The following THBS4 variants were observed in gnomAD, a reference collection of about 807,000 sequenced individuals.
THBS4 encodes the protein thrombospondin 4.
In THBS4, 90 loss-of-function variants were observed where a neutral mutation model predicts 115.7. The observed-to-expected ratio is 0.78, with a 90% CI of 0.66 to 0.93. The LOEUF is 0.93. Among genes scored for constraint, THBS4 ranks in the 40% least tolerant of loss-of-function variants. The pLI is 0.00. For synonymous variants in THBS4, 460 were observed against 479.3 expected (o/e 0.96, Z 0.53); for missense variants, 1,087 against 1,232.7 (o/e 0.88, Z 1.77).
chr5:79,991,538 G>A lies in THBS4; in HGVS notation n.81+126G>A, dbSNP rs530441566. 2.1e-5 allele frequency: 6 copies of A among 289,528 alleles called. No homozygotes were observed. The South Asian group carries it at 7.5e-4, about 36-fold the overall frequency. 17.9% of individuals were successfully genotyped at this position (289,528 alleles called of 1,614,324 possible). Reference sequence around the variant, plus strand: ...GTGTGATGCCTAAATTAACCTGTTTGTAAAACAGGGATGACCCAGTATTTA... The same window carrying A: ...GTGTGATGCCTAAATTAACCTGTTTATAAAACAGGGATGACCCAGTATTTA... On this transcript the variant is annotated intron_variant and non_coding_transcript_variant, in intron 1 of 3. Coordinates refer to the THBS4 transcript ENST00000510218.
intron 17 of THBS4, 115 bp downstream of exon 17, chr5:80,078,342 GCT>G: frequency 1.1e-6 from 1 of 884,768 alleles, no homozygotes; most frequent in Non-Finnish European, 1.6e-6. Context: ...CTTCACATTC[GCT>G]CTTATTCCTC....
At chr5:80,003,394 G>A (rs892722616) in intron 2 of THBS4, among the ~76,000 whole-genome samples, 13 of 152,102 alleles carry the variant, frequency 8.5e-5, no homozygotes, top group African/African-American at 3.1e-4. Context: ...AAAAAGGGAA[G>A]GAATGGTTTT....
intron 2 of THBS4, among the ~76,000 whole-genome samples, chr5:80,013,918 T>C (rs1832197346): frequency 6.6e-6 from 1 of 152,188 alleles, no homozygotes; most frequent in Non-Finnish European, 1.5e-5. Flanking sequence ...TTGAAGGAAG[T>C]TTACCATAAG....
chr5:80,039,936 G>A, intron 1 of THBS4, 141 bp from the exon 2 acceptor site: 2 of 711,192 alleles, frequency 2.8e-6, no homozygotes, highest in South Asian at 1.8e-5. Flanking sequence ...GGTGAGTTTG[G>A]CAATACGGAA....
chr5:80,049,887 G>A (rs572703279), intron 2 of THBS4, among the ~76,000 whole-genome samples: 16 of 152,274 alleles, frequency 1.1e-4, no homozygotes, highest in Middle Eastern at 3.4e-3. Context: ...CAAAAAGTCC[G>A]TGCAGAAAGA....
At chr5:80,046,915 A>G (rs977841322) in intron 2 of THBS4, among the ~76,000 whole-genome samples, 1 of 152,232 alleles carries the variant, frequency 6.6e-6, no homozygotes, top group Non-Finnish European at 1.5e-5. Context: ...GGATACTATC[A>G]TTCATATTTA....
intron 2 of THBS4, among the ~76,000 whole-genome samples, chr5:80,010,436 T>C (rs1192710509): frequency 2.6e-5 from 4 of 152,244 alleles, no homozygotes; most frequent in African/African-American, 9.6e-5. Context: ...TAAGGTACTT[T>C]GACCCAAGTA....
intron 2 of THBS4, among the ~76,000 whole-genome samples, chr5:80,003,047 A>G (rs1379280835): frequency 6.6e-6 from 1 of 152,104 alleles, no homozygotes; most frequent in Non-Finnish European, 1.5e-5. Flanking sequence ...TTAAAATTCC[A>G]TATTATGATC....
intron 2 of THBS4, among the ~76,000 whole-genome samples, chr5:80,045,777 T>A (rs553939236): frequency 6.6e-6 from 1 of 152,248 alleles, no homozygotes; most frequent in South Asian, 2.1e-4. Flanking sequence ...ATGATCTGCC[T>A]GCTTCGGCCT....
At chr5:80,059,357 G>C in intron 5 of THBS4, 83 bp from the exon 6 acceptor site, 5 of 1,123,238 alleles carry the variant, frequency 4.5e-6, no homozygotes, top group Non-Finnish European at 6.6e-6. Flanking sequence ...GTGTTACATA[G>C]ATAGCTCCAC....
At chr5:80,031,958 A>G (rs970283168), upstream of THBS4, among the ~76,000 whole-genome samples, 1 of 152,196 alleles carries the variant, frequency 6.6e-6, no homozygotes, top group Non-Finnish European at 1.5e-5. Flanking sequence ...TATATTTACT[A>G]CTAAATGTTA....
intron 8 of THBS4, 101 bp from the exon 9 acceptor site, chr5:80,065,308 A>G (rs1580969306): frequency 2.9e-6 from 3 of 1,036,594 alleles, no homozygotes; most frequent in Non-Finnish European, 4.4e-6. Context: ...GAAATTCCGC[A>G]TCTTCACTTC....
chr5:80,030,519 C>T (rs980252980), upstream of THBS4, among the ~76,000 whole-genome samples: 2 of 152,112 alleles, frequency 1.3e-5, no homozygotes, highest in African/African-American at 4.8e-5. Context: ...AGGTGCCCAC[C>T]ACCATGCCTG....
At chr5:80,046,978 C>T (rs1285198705) in intron 2 of THBS4, among the ~76,000 whole-genome samples, 1 of 152,098 alleles carries the variant, frequency 6.6e-6, no homozygotes, top group Non-Finnish European at 1.5e-5. Flanking sequence ...TGAAATTTAA[C>T]AAGAATAAAT....
At position 80,076,843 on chromosome 5, in the gene THBS4, T is replaced by C. The variant is rs1303238340; in HGVS notation, c.1893-12T>C. ...GAACTGTGAGCCACATCACCTGTCC[T>C]TTCTCCTGCAGTGATGGAGATGGGC... On this transcript the variant is annotated splice_polypyrimidine_tract_variant and intron_variant, in intron 15 of 21. Coordinates refer to ENST00000350881, the MANE Select transcript of THBS4 (RefSeq NM_003248.6). 7 of 1,550,278 alleles carry C rather than the reference T, an allele frequency of 4.5e-6. No homozygotes were observed. The East Asian group carries it at 1.2e-4, about 26-fold the overall frequency.
At chr5:80,018,122 T>C (rs757326308) in intron 2 of THBS4, among the ~76,000 whole-genome samples, 5 of 152,148 alleles carry the variant, frequency 3.3e-5, no homozygotes, top group Non-Finnish European at 5.9e-5. Context: ...CTCTCAGCCA[T>C]TTTTCCTTGG....
At position 80,083,133 on chromosome 5, in the gene THBS4, G is replaced by A; in HGVS notation, c.2878G>A (p.Asp960Asn). 1 of 1,613,416 alleles carries A rather than the reference G, an allele frequency of 6.2e-7. No homozygotes were observed. Among genetic ancestry groups the A allele is most frequent in the Non-Finnish European group, 8.5e-7 (1 of 1,179,364 alleles). The change falls in exon 22 of 22, where the codon GAT becomes AAT. Residue 960 changes from aspartate to asparagine, a missense_variant. By Grantham distance (23) the Asp-to-Asn change is conservative (BLOSUM62 1). Transcript: ENST00000350881. ...TCAAACCCAGAATTTCGACCGCTTC[G>A]ATAATTAAACCAAGGAAGCAATCTG... ...EFQTQNFDRF[D>N]N
At chr5:80,005,410 G>A (rs933430972) in intron 2 of THBS4, among the ~76,000 whole-genome samples, 2 of 152,204 alleles carry the variant, frequency 1.3e-5, no homozygotes, top group African/African-American at 2.4e-5. Context: ...TCTGAATTAA[G>A]TGTACTCCAA....
intron 1 of THBS4, among the ~76,000 whole-genome samples, chr5:79,997,951 A>G (rs1308753138): frequency 1.3e-5 from 2 of 152,236 alleles, no homozygotes; most frequent in Non-Finnish European, 2.9e-5. Flanking sequence ...GATAATAAAA[A>G]TACAACATTT....
Sources: gnomAD v4.1 joint callset for allele counts (sites outside exome capture counted in the v4.1 genomes callset) on GRCh38, gnomAD v4.1.1 for gene constraint, MANE v1.5 for transcripts, NCBI Gene and HGNC (gene_info 2026-07-23, HGNC 2026-07-21) for gene names.